The following CERS3 variants were observed in gnomAD, a reference collection of about 807,000 sequenced individuals.
CERS3 encodes the protein ceramide synthase 3.
In CERS3, 33 loss-of-function variants were observed where a neutral mutation model predicts 50.3. The ratio of observed to expected loss-of-function variants is 0.66; its 90% confidence interval spans 0.50 to 0.88. The LOEUF is 0.88. Among genes scored for constraint, CERS3 ranks in the 40% least tolerant of loss-of-function variants. CERS3 has a pLI of 0.00. For synonymous variants in CERS3, 176 were observed against 155.2 expected, an observed-to-expected ratio of 1.13 and a Z score of -0.99; for missense variants, 470 against 460.3, an observed-to-expected ratio of 1.02 and a Z score of -0.19.
chr15:100,402,578 C>G lies in CERS3; in HGVS notation c.*135G>C. ...CACAAGTTAACAACATTTTGGTAAA[C>G]ACATCTTAGGTGGGAGGGAAGGCGG... On this transcript the variant is annotated 3_prime_UTR_variant, in exon 12 of 12. Coordinates refer to ENST00000679737, the MANE Select transcript of CERS3 (RefSeq NM_001378789.1). 1 of 808,326 alleles carries G rather than the reference C, an allele frequency of 1.2e-6. No individual in the cohort carries two copies. The highest frequency in any genetic ancestry group is 1.9e-6 in the Non-Finnish European group (1 of 522,040). 50.1% of individuals were successfully genotyped at this position (808,326 alleles called of 1,614,324 possible).
chr15:100,475,054 C>T (rs79598675), intron 8 of CERS3, among the ~76,000 whole-genome samples: 17,341 of 152,176 alleles, frequency 0.11, 1,240 homozygotes, highest in Admixed American at 0.21. Context: ...CATGATCGAC[C>T]TACCTGTATA....
At chr15:100,407,221 G>A (rs1312652416) in intron 11 of CERS3, among the ~76,000 whole-genome samples, 2 of 152,166 alleles carry the variant, frequency 1.3e-5, no homozygotes, top group African/African-American at 2.4e-5. Context: ...ACCCATCTCT[G>A]CAAGACTTAA....
chr15:100,539,457 G>T (rs1209844954), intron 1 of CERS3, among the ~76,000 whole-genome samples: 1 of 152,202 alleles, frequency 6.6e-6, no homozygotes, highest in Non-Finnish European at 1.5e-5. Context: ...TGGCATGGCT[G>T]GGAAGGCCTC....
intron 11 of CERS3, among the ~76,000 whole-genome samples, chr15:100,417,836 A>T (rs180739094): frequency 3.4e-4 from 51 of 150,926 alleles, no homozygotes; most frequent in Admixed American, 9.8e-4. Context: ...CACCTCACAC[A>T]GCAGGGTATT....
intron 5 of CERS3, among the ~76,000 whole-genome samples, chr15:100,481,978 C>T (rs555147198): frequency 3.3e-5 from 5 of 152,300 alleles, no homozygotes; most frequent in East Asian, 1.9e-4. Flanking sequence ...ACTGATGAAA[C>T]GTGCGCTTGT....
At chr15:100,524,533 T>G (rs1235212274) in intron 1 of CERS3, among the ~76,000 whole-genome samples, 1 of 152,222 alleles carries the variant, frequency 6.6e-6, no homozygotes. Context: ...TAGCTCATTA[T>G]GAAACCCTGT....
At chr15:100,483,787 A>ATTATTTTTTTTTTTTTTTTT (rs760594142) in intron 5 of CERS3, among the ~76,000 whole-genome samples, 3 of 100,040 alleles carry the variant, frequency 3.0e-5, no homozygotes, top group African/African-American at 1.1e-4. Flanking sequence ...TATTATTATT[A>ATTATTTTTTTTTTTTTTTTT]TTTTTTTTTT....
At chr15:100,525,531 C>T (rs915285411) in intron 1 of CERS3, among the ~76,000 whole-genome samples, 1 of 152,144 alleles carries the variant, frequency 6.6e-6, no homozygotes, top group Admixed American at 6.6e-5. Flanking sequence ...ATAATAACAA[C>T]CTTTGGAAGT....
At chr15:100,528,505 C>T (rs953634131) in intron 1 of CERS3, among the ~76,000 whole-genome samples, 4 of 152,186 alleles carry the variant, frequency 2.6e-5, no homozygotes, top group African/African-American at 9.7e-5. Flanking sequence ...TCAGTTTAAA[C>T]TCGCCCGAGA....
intron 10 of CERS3, among the ~76,000 whole-genome samples, chr15:100,466,832 C>CTCTCTTTCTCTCTTTCT (rs1555528069): frequency 5.3e-5 from 1 of 18,780 alleles, no homozygotes; most frequent in Admixed American, 6.8e-4. Flanking sequence ...TCCCTCTCTC[C>CTCTCTTTCTCTCTTTCT]CTCTCTCCCT....
intron 11 of CERS3, chr15:100,438,036 C>CAT (rs2033508112): frequency 9.8e-6 from 1 of 102,002 alleles, no homozygotes; most frequent in Non-Finnish European, 1.8e-5. Flanking sequence ...TATGTACCCA[C>CAT]TTTTTTTTTT....
chr15:100,528,447 C>G (rs1197171857), intron 1 of CERS3, among the ~76,000 whole-genome samples: 1 of 152,156 alleles, frequency 6.6e-6, no homozygotes, highest in African/African-American at 2.4e-5. Context: ...GAGCATTCAG[C>G]CGTGTGTGAT....
intron 8 of CERS3, among the ~76,000 whole-genome samples, chr15:100,474,307 T>TA (rs2035058073): frequency 6.6e-6 from 1 of 152,240 alleles, no homozygotes; most frequent in Non-Finnish European, 1.5e-5. Context: ...TAAAGATGTT[T>TA]AAAAAACTTA....
rs143105185 is a variant in CERS3 at position 100,454,531 on chromosome 15, C to G, written c.999+1362G>C. On this transcript the variant is annotated intron_variant, in intron 11 of 11. Coordinates refer to ENST00000679737, the MANE Select transcript of CERS3 (RefSeq NM_001378789.1). Reference sequence around the variant, plus strand: ...GAAGATTGAAACTAGATCTCTGTCTCTCATCATATACAAAAATCAACTCAA... The same window carrying G: ...GAAGATTGAAACTAGATCTCTGTCTGTCATCATATACAAAAATCAACTCAA... Among the ~76,000 whole-genome samples the G allele has an allele frequency of 3.9e-3, 589 of 152,062 alleles. 5 individuals carry two copies. Among genetic ancestry groups the G allele is most frequent in the East Asian group, 0.016 (82 of 5,178 alleles).
intron 11 of CERS3, among the ~76,000 whole-genome samples, chr15:100,415,425 C>A (rs2031823368): frequency 6.6e-6 from 1 of 152,120 alleles, no homozygotes; most frequent in African/African-American, 2.4e-5. Flanking sequence ...CCATTTGACC[C>A]ACCAATCTCA....
At chr15:100,511,331 C>T (rs1456364338) in intron 2 of CERS3, among the ~76,000 whole-genome samples, 1 of 152,094 alleles carries the variant, frequency 6.6e-6, no homozygotes, top group Admixed American at 6.5e-5. Flanking sequence ...AAAAGCCACA[C>T]TACAGACTGG....
intron 8 of CERS3, among the ~76,000 whole-genome samples, chr15:100,475,076 T>TA (rs2035084644): frequency 6.6e-6 from 1 of 152,198 alleles, no homozygotes; most frequent in South Asian, 2.1e-4. Flanking sequence ...AAAGACTTTC[T>TA]AAAAAATGAT....
chr15:100,461,284 C>T (rs906193846), intron 10 of CERS3, among the ~76,000 whole-genome samples: 5 of 152,098 alleles, frequency 3.3e-5, no homozygotes, highest in African/African-American at 1.2e-4. Context: ...ACTAGAGGCT[C>T]CCAGGAGACA....
chr15:100,533,290 C>T (rs928854860), upstream of CERS3, among the ~76,000 whole-genome samples: 1 of 152,182 alleles, frequency 6.6e-6, no homozygotes, highest in African/African-American at 2.4e-5. Flanking sequence ...CTCTCCCCCA[C>T]GTAAGCTTCA....
Sources: gnomAD v4.1 joint callset for allele counts (sites outside exome capture counted in the v4.1 genomes callset) on GRCh38, gnomAD v4.1.1 for gene constraint, MANE v1.5 for transcripts, NCBI Gene and HGNC (gene_info 2026-07-23, HGNC 2026-07-21) for gene names.